Variants in MYH16 observed in about 807,000 individuals in gnomAD.
The protein encoded by MYH16 is myosin heavy chain 16.
At position 99,302,317 on chromosome 7, in the gene MYH16, T is replaced by TACACACAC. The variant is rs201230482; in HGVS notation, n.5137+553_5137+560dup. Among the ~76,000 whole-genome samples, 542 of 95,546 alleles carry TACACACAC rather than the reference T, an allele frequency of 5.7e-3. 9 individuals are homozygous for TACACACAC. The highest frequency in any genetic ancestry group is 0.012 in the Middle Eastern group (2 of 164). 62.7% of individuals were successfully genotyped at this position (95,546 alleles called of 152,430 possible). ...ACCATCTCAAAAAAAAAAAAATATA[T>TACACACAC]ACACACACACACACACACACACACA... On this transcript the variant is annotated intron_variant and non_coding_transcript_variant, in intron 38 of 41. Coordinates refer to ENST00000439784, the Ensembl canonical transcript of MYH16.
chr7:99,296,633 G>T (rs138139358), intron 33 of MYH16, 68 bp from the exon 15 acceptor site: 2 of 441,722 alleles, frequency 4.5e-6, no homozygotes, highest in East Asian at 7.1e-5. Flanking sequence ...GAGGTTGGTG[G>T]GGGGGTGGGA....
intron 2 of MYH16, among the ~76,000 whole-genome samples, chr7:99,244,196 T>C (rs115383732): frequency 1.8e-3 from 269 of 152,214 alleles, no homozygotes; most frequent in Middle Eastern, 6.8e-3. Context: ...ATCCATCCAT[T>C]CATTCATTAA....
intron 15 of MYH16, chr7:99,264,433 T>G (rs898328333): frequency 6.6e-6 from 1 of 152,574 alleles, no homozygotes; most frequent in African/African-American, 2.4e-5. Context: ...GGGGTCTGTT[T>G]CCTTCTGAAG....
chr7:99,309,044 G>T (rs1792721156), downstream of MYH16, among the ~76,000 whole-genome samples: 1 of 152,226 alleles, frequency 6.6e-6, no homozygotes, highest in African/African-American at 2.4e-5. Flanking sequence ...TGAGGAAAAT[G>T]AGCTTGGAGA....
intron 15 of MYH16, among the ~76,000 whole-genome samples, chr7:99,264,544 A>G (rs959011731): frequency 5.3e-5 from 8 of 152,228 alleles, no homozygotes; most frequent in African/African-American, 1.9e-4. Context: ...CGAGATAGCA[A>G]TGCCCAAGAG....
Position 99,273,555 on chromosome 7 carries a change from G to A in MYH16, n.2485+132G>A, listed in dbSNP as rs1792073225. 24 of 387,392 alleles carry A rather than the reference G, an allele frequency of 6.2e-5. 1 individual carries two copies. Among genetic ancestry groups the A allele is most frequent in the South Asian group, 4.5e-4 (24 of 53,160 alleles). 24.0% of individuals were successfully genotyped at this position (387,392 alleles called of 1,614,324 possible). ...AGTTTGAAAATGAGGGCACCTTAGA[G>A]ACAAAAATCTAGCCTCTGTCCAGAC... On this transcript the variant is annotated intron_variant and non_coding_transcript_variant, in intron 20 of 41. Coordinates refer to ENST00000439784, the Ensembl canonical transcript of MYH16.
At chr7:99,278,128 A>C (rs1238757093) in intron 21 of MYH16, among the ~76,000 whole-genome samples, 2 of 151,964 alleles carry the variant, frequency 1.3e-5, no homozygotes, top group Non-Finnish European at 2.9e-5. Flanking sequence ...TTTTTTGTAG[A>C]GACAGGGTCT....
intron 23 of MYH16, 117 bp from the exon 6 acceptor site, chr7:99,283,448 A>C (rs1792229774): frequency 2.5e-6 from 1 of 405,686 alleles, no homozygotes; most frequent in Non-Finnish European, 4.9e-6. Flanking sequence ...CACTGAAGTC[A>C]ACTGAACTCC....
chr7:99,297,579 T>C (rs1224706054), intron 34 of MYH16, 81 bp from the exon 16 acceptor site: 2 of 402,100 alleles, frequency 5.0e-6, no homozygotes, highest in Admixed American at 5.6e-5. Flanking sequence ...GCCTGCTTCT[T>C]ACCCCAATGG....
chr7:99,299,483 C>T (rs1285128627), exon 37 of MYH16: 1 of 152,976 alleles, frequency 6.5e-6, no homozygotes, highest in South Asian at 2.1e-4. Context: ...CACCAGCGGG[C>T]AATCGAGTCC....
chr7:99,306,203 G>A (rs1273629584), intron 41 of MYH16, among the ~76,000 whole-genome samples, 167 bp downstream of exon 22: 1 of 152,178 alleles, frequency 6.6e-6, no homozygotes, highest in African/African-American at 2.4e-5. Flanking sequence ...TCCAGTGGGA[G>A]GGAGGACCAG....
chr7:99,267,629 C>A (rs1006674264), intron 18 of MYH16, among the ~76,000 whole-genome samples: 13 of 152,234 alleles, frequency 8.5e-5, no homozygotes, highest in African/African-American at 3.1e-4. Flanking sequence ...GACAATGAAG[C>A]ACTGTAAGCC....
chr7:99,294,610 G>C (rs1368117898), intron 33 of MYH16, among the ~76,000 whole-genome samples: 3 of 149,140 alleles, frequency 2.0e-5, no homozygotes, highest in Admixed American at 6.7e-5. Flanking sequence ...TTGTTGCCCA[G>C]GCTGGAGTAC....
chr7:99,260,289 C>G, exon 12 of MYH16: 1 of 1,549,370 alleles, frequency 6.5e-7, no homozygotes, highest in Admixed American at 1.7e-5. Context: ...GGGTCTTCAT[C>G]GACTTTGGCC....
intron 2 of MYH16, among the ~76,000 whole-genome samples, chr7:99,246,753 C>T (rs1308381797): frequency 1.3e-5 from 2 of 151,206 alleles, no homozygotes; most frequent in African/African-American, 2.4e-5. Flanking sequence ...AGAAACTAGC[C>T]CAGCATTTAC....
chr7:99,297,504 T>C lies in MYH16; in HGVS notation n.4500-156T>C, dbSNP rs577159162. 1.2e-4 allele frequency among the ~76,000 whole-genome samples: 19 copies of C among 152,106 alleles called. No homozygotes were observed. The South Asian group carries it at 3.9e-3, about 32-fold the overall frequency. ...TTCTACCCTCCTTATAAGGTTGTCA[T>C]GACAATGAAATAAGATTATGGTCAG... On this transcript the variant is annotated intron_variant and non_coding_transcript_variant, in intron 34 of 41. Coordinates refer to ENST00000439784, the Ensembl canonical transcript of MYH16.
intron 20 of MYH16, among the ~76,000 whole-genome samples, chr7:99,276,452 TGGGA>T (rs1463085804): frequency 1.3e-5 from 2 of 152,160 alleles, no homozygotes; most frequent in African/African-American, 2.4e-5. Context: ...CCCAAAGGGA[TGGGA>T]GGGAGGTCTT....
At chr7:99,262,422 C>T (rs527386216) in intron 13 of MYH16, among the ~76,000 whole-genome samples, 26 of 152,340 alleles carry the variant, frequency 1.7e-4, no homozygotes, top group African/African-American at 5.5e-4. Context: ...ATACTTGGAG[C>T]AAACAGCAGG....
intron 16 of MYH16, chr7:99,265,561 C>T (rs1347264373): frequency 6.5e-6 from 1 of 153,522 alleles, no homozygotes; most frequent in Non-Finnish European, 1.5e-5. Flanking sequence ...GCACCCTCCC[C>T]CTTGGCAGGT....
Sources: allele counts gnomAD v4.1 joint callset (sites outside exome capture counted in the v4.1 genomes callset), GRCh38; gene constraint gnomAD v4.1.1; transcripts MANE v1.5; gene names NCBI Gene and HGNC (gene_info 2026-07-23, HGNC 2026-07-21).